The following ACER3 variants were observed in gnomAD, a reference collection of about 807,000 sequenced individuals.
ACER3 encodes alkaline ceramidase 3, also known as alkCDase 3.
In ACER3, 16 loss-of-function variants were observed where a neutral mutation model predicts 48.9. The ratio of observed to expected loss-of-function variants is 0.33; its 90% CI spans 0.22 to 0.50. The LOEUF (loss-of-function observed/expected upper bound fraction) is 0.50. Among genes scored for constraint, ACER3 ranks in the 20% least tolerant of loss-of-function variants. The pLI, the probability that ACER3 is intolerant of heterozygous loss-of-function variation, is 0.98. For missense variants in ACER3, 227 were observed against 326.0 expected (o/e 0.70, Z 2.34); for synonymous variants, 109 against 107.8 (o/e 1.01, Z -0.07).
chr11:76,961,366 GTA>G (rs1947989405), intron 3 of ACER3, among the ~76,000 whole-genome samples: 1 of 151,974 alleles, frequency 6.6e-6, no homozygotes, highest in African/African-American at 2.4e-5. Flanking sequence ...TGTATTTTGT[GTA>G]TATGTATACA....
At chr11:76,998,879 AATCTAT>A in intron 7 of ACER3, 58 bp downstream of exon 7, 1 of 1,344,800 alleles carries the variant, frequency 7.4e-7, no homozygotes. Flanking sequence ...TATAACAGTA[AATCTAT>A]AGCCTAAATC....
At position 77,024,838 on chromosome 11, in the gene ACER3, T is replaced by C. The variant is rs1354614566; in HGVS notation, c.*4511T>C. Reference sequence around the variant, plus strand: ...AAAGGCAGCTAGTGTAGAAGACTGGTCACAAGAATTTTTTTTTAAATAGAA... The same window carrying C: ...AAAGGCAGCTAGTGTAGAAGACTGGCCACAAGAATTTTTTTTTAAATAGAA... On this transcript the variant is annotated 3_prime_UTR_variant, in exon 11 of 11. Coordinates refer to ENST00000532485, the MANE Select transcript of ACER3 (RefSeq NM_018367.7). The C allele has an allele frequency of 6.6e-6, 1 of 152,174 alleles. No individual in the cohort carries two copies. Among genetic ancestry groups the C allele is most frequent in the African/African-American group, 2.4e-5 (1 of 41,442 alleles). 9.4% of individuals were successfully genotyped at this position (152,174 alleles called of 1,614,324 possible).
chr11:76,916,128 A>T (rs1348750272), intron 1 of ACER3, among the ~76,000 whole-genome samples: 1 of 152,232 alleles, frequency 6.6e-6, no homozygotes, highest in Non-Finnish European at 1.5e-5. Context: ...GATGCATTTT[A>T]ATTCTAAGTA....
chr11:76,952,178 G>T (rs147768366), intron 2 of ACER3, among the ~76,000 whole-genome samples: 71 of 149,996 alleles, frequency 4.7e-4, no homozygotes, highest in African/African-American at 1.4e-3. Context: ...ATATAAATAT[G>T]AAAATTAGCC....
At chr11:76,933,814 G>A (rs189480879) in intron 2 of ACER3, among the ~76,000 whole-genome samples, 1 of 152,206 alleles carries the variant, frequency 6.6e-6, no homozygotes, top group Admixed American at 6.5e-5. Flanking sequence ...TCCCAGACGG[G>A]GTGGCTGCCG....
At chr11:77,008,007 T>A (rs1949188997) in intron 7 of ACER3, among the ~76,000 whole-genome samples, 2 of 152,236 alleles carry the variant, frequency 1.3e-5, no homozygotes, top group African/African-American at 4.8e-5. Flanking sequence ...TGTATACATA[T>A]GTCAAAACAT....
At chr11:76,908,673 CA>C (rs1214964724) in intron 1 of ACER3, among the ~76,000 whole-genome samples, 3 of 152,004 alleles carry the variant, frequency 2.0e-5, no homozygotes, top group Non-Finnish European at 4.4e-5. Flanking sequence ...CCATACTGCC[CA>C]AAGTAGTTTA....
chr11:76,950,016 G>A (rs1178926657), intron 2 of ACER3, among the ~76,000 whole-genome samples: 2 of 152,012 alleles, frequency 1.3e-5, no homozygotes, highest in East Asian at 3.9e-4. Context: ...GGTGAACTCT[G>A]CATTGCTATC....
intron 1 of ACER3, among the ~76,000 whole-genome samples, chr11:76,891,595 T>C (rs942997677): frequency 1.3e-5 from 2 of 152,136 alleles, no homozygotes; most frequent in African/African-American, 4.8e-5. Flanking sequence ...TTGAAGCCAG[T>C]TGGTCAGACA....
intron 2 of ACER3, among the ~76,000 whole-genome samples, chr11:76,940,711 T>C (rs1396666295): frequency 6.6e-6 from 1 of 152,210 alleles, no homozygotes; most frequent in Non-Finnish European, 1.5e-5. Context: ...TTCTTACTTT[T>C]TGGATTGCAC....
chr11:76,900,033 A>G (rs1186540553), intron 1 of ACER3, among the ~76,000 whole-genome samples: 2 of 152,256 alleles, frequency 1.3e-5, no homozygotes, highest in African/African-American at 2.4e-5. Flanking sequence ...ATAAAGTGTT[A>G]TTAAGAAAAT....
rs1298029834 is a variant in ACER3 at position 77,007,304 on chromosome 11, CCTT to C, written c.498-7709_498-7707del. Among the ~76,000 whole-genome samples, 4 of 152,210 alleles carry C rather than the reference CCTT, an allele frequency of 2.6e-5. No homozygotes were observed. The East Asian group carries it at 7.7e-4, about 29-fold the overall frequency. On this transcript the variant is annotated intron_variant, in intron 7 of 10. Coordinates refer to ENST00000532485, the MANE Select transcript of ACER3 (RefSeq NM_018367.7). Reference sequence around the variant, plus strand: ...TTCAGCCCTGCTCTCTTCCTCCTCTCCTTCTGGGGGACACCAATAACAAGACAC... The same window carrying C: ...TTCAGCCCTGCTCTCTTCCTCCTCTCCTGGGGGACACCAATAACAAGACAC...
At chr11:77,019,127 G>A (rs959464305) in intron 9 of ACER3, among the ~76,000 whole-genome samples, 2 of 152,178 alleles carry the variant, frequency 1.3e-5, no homozygotes, top group Non-Finnish European at 2.9e-5. Flanking sequence ...TGAAGTCAGT[G>A]CTCATTTTCT....
intron 1 of ACER3, among the ~76,000 whole-genome samples, chr11:76,903,944 G>A (rs79443815): frequency 0.028 from 4,258 of 152,120 alleles, 106 homozygotes; most frequent in Non-Finnish European, 0.045. Context: ...TCATCTATAT[G>A]ATAAAAACAT....
chr11:76,871,869 T>C (rs1485119310), intron 1 of ACER3, among the ~76,000 whole-genome samples: 1 of 152,190 alleles, frequency 6.6e-6, no homozygotes, highest in South Asian at 2.1e-4. Context: ...GCCTTGCTAT[T>C]TATCATGTGA....
At chr11:77,012,172 C>T (rs1949279692) in intron 7 of ACER3, among the ~76,000 whole-genome samples, 1 of 152,124 alleles carries the variant, frequency 6.6e-6, no homozygotes. Context: ...GAAATCCCAG[C>T]ACTTTGGCAG....
chr11:76,901,186 G>C (rs190266291), intron 1 of ACER3, among the ~76,000 whole-genome samples: 16 of 151,970 alleles, frequency 1.1e-4, no homozygotes, highest in Middle Eastern at 3.4e-3. Flanking sequence ...TTGCATTTAA[G>C]GGGGTAGATC....
In ACER3 at chr11:77,020,638, G is replaced by A; in HGVS notation, c.*311G>A. On this transcript the variant is annotated 3_prime_UTR_variant, in exon 11 of 11. Coordinates refer to ENST00000532485, the MANE Select transcript of ACER3 (RefSeq NM_018367.7). ...TCTTAACAGGTTAACAGTTTGTGCTGGTTATAAGAAATTAACCTTCTTTTC... is the reference window on the plus strand; with the variant it reads ...TCTTAACAGGTTAACAGTTTGTGCTAGTTATAAGAAATTAACCTTCTTTTC... 1 of 252,088 alleles carries A rather than the reference G, an allele frequency of 4.0e-6. No individual in the cohort carries two copies. The highest frequency in any genetic ancestry group is 8.6e-5 in the East Asian group (1 of 11,614). The allele number at this position is 252,088 out of a possible 1,614,324, so 15.6% of individuals were successfully genotyped here.
chr11:76,926,660 A>T lies in ACER3; in HGVS notation c.207A>T (p.Ala69=). The T allele has an allele frequency of 6.4e-7, 1 of 1,570,154 alleles. No homozygotes were observed. The highest frequency in any genetic ancestry group is 8.8e-7 in the Non-Finnish European group (1 of 1,139,806). ...LEKRYIASYL[A]LTVVGMGSWC... is the part of the protein sequence containing the mutation. Reference sequence around the variant, plus strand: ...AGCGGTACATTGCTTCTTATTTAGCACTCACAGGTATGTATAACACTGTAT... The same window carrying T: ...AGCGGTACATTGCTTCTTATTTAGCTCTCACAGGTATGTATAACACTGTAT... Residue 69 remains alanine (A), a synonymous_variant, in exon 2 of 11, where the codon GCA becomes GCT. Transcript: ENST00000532485.
Sources: allele counts gnomAD v4.1 joint callset (sites outside exome capture counted in the v4.1 genomes callset), GRCh38; gene constraint gnomAD v4.1.1; transcripts MANE v1.5; gene names NCBI Gene and HGNC (gene_info 2026-07-23, HGNC 2026-07-21).